The following SLC24A3 variants were observed in gnomAD, a reference collection of about 807,000 sequenced individuals.
SLC24A3 encodes the protein sodium/potassium/calcium exchanger 3.
Under a neutral mutation model 75.8 loss-of-function variants are expected in SLC24A3, and 28 were observed. That is an observed-to-expected ratio of 0.37 (90% confidence interval 0.27 to 0.51). The LOEUF is 0.51. Ranked by LOEUF, SLC24A3 falls within the 20% of genes least tolerant of loss-of-function variation. SLC24A3 has a pLI of 0.94. For missense variants in SLC24A3, 663 were observed against 847.8 expected, an observed-to-expected ratio of 0.78 and a Z score of 2.71; for synonymous variants, 372 against 334.1, an observed-to-expected ratio of 1.11 and a Z score of -1.24.
intron 7 of SLC24A3, among the ~76,000 whole-genome samples, chr20:19,662,594 T>G (rs1169826741): frequency 6.6e-6 from 1 of 152,250 alleles, no homozygotes; most frequent in Non-Finnish European, 1.5e-5. Context: ...TAGTGGTCAT[T>G]TGCAGGAACT....
intron 1 of SLC24A3, among the ~76,000 whole-genome samples, chr20:19,278,606 G>T (rs1665530071): frequency 6.6e-6 from 1 of 152,138 alleles, no homozygotes; most frequent in South Asian, 2.1e-4. Flanking sequence ...CACCATTCAG[G>T]TTATCCAAAC....
chr20:19,238,458 T>G (rs1319909128), intron 1 of SLC24A3, among the ~76,000 whole-genome samples: 1 of 152,234 alleles, frequency 6.6e-6, no homozygotes, highest in African/African-American at 2.4e-5. Flanking sequence ...TTGCATGTAT[T>G]TTGATCTGGT....
intron 3 of SLC24A3, among the ~76,000 whole-genome samples, chr20:19,521,532 CT>C (rs2030098938): frequency 1.3e-5 from 2 of 152,058 alleles, no homozygotes; most frequent in South Asian, 4.1e-4. Flanking sequence ...GCTGGGACAC[CT>C]CCTGGGAGAG....
At chr20:19,434,541 A>AT (rs112679398) in intron 2 of SLC24A3, among the ~76,000 whole-genome samples, 4,178 of 151,894 alleles carry the variant, frequency 0.028, 165 homozygotes, top group East Asian at 0.1. Flanking sequence ...GTGACAAATG[A>AT]TTTTTTTTTC....
At chr20:19,720,885 G>C (rs1481719024) in intron 16 of SLC24A3, 106 bp from the exon 17 acceptor site, 1 of 1,307,102 alleles carries the variant, frequency 7.7e-7, no homozygotes, top group Non-Finnish European at 1.1e-6. Flanking sequence ...CCTGCCCGAG[G>C]CCCATAGTCA....
chr20:19,542,282 A>T lies in SLC24A3; in HGVS notation c.348+26718A>T, dbSNP rs146426662. On this transcript the variant is annotated intron_variant, in intron 3 of 16. Coordinates refer to ENST00000328041, the MANE Select transcript of SLC24A3 (RefSeq NM_020689.4). ...TTTACTAGGTATTGAAATTGTATAG[A>T]TGAGTAATTAATGTGTTTGAGATTG... Among the ~76,000 whole-genome samples the T allele has an allele frequency of 5.9e-3, 893 of 152,312 alleles. 6 individuals are homozygous for T. Among genetic ancestry groups the T allele is most frequent in the Middle Eastern group, 0.027 (8 of 294 alleles).
At chr20:19,692,595 T>A (rs1600343601) in intron 12 of SLC24A3, among the ~76,000 whole-genome samples, 1 of 152,322 alleles carries the variant, frequency 6.6e-6, no homozygotes, top group African/African-American at 2.4e-5. Context: ...AGGGTTTGAC[T>A]AGAAAGAGGC....
intron 2 of SLC24A3, among the ~76,000 whole-genome samples, chr20:19,489,927 C>T (rs1425418935): frequency 6.6e-6 from 1 of 152,104 alleles, no homozygotes; most frequent in African/African-American, 2.4e-5. Context: ...CTTTCTGAAT[C>T]CAGCACTAGA....
chr20:19,590,333 C>G (rs978599994), intron 6 of SLC24A3, among the ~76,000 whole-genome samples: 8 of 152,002 alleles, frequency 5.3e-5, no homozygotes, highest in African/African-American at 1.9e-4. Context: ...CCAGCTTACC[C>G]CGTACACCTT....
chr20:19,487,736 G>A (rs185758636), intron 2 of SLC24A3, among the ~76,000 whole-genome samples: 29 of 152,232 alleles, frequency 1.9e-4, no homozygotes, highest in Admixed American at 3.9e-4. Context: ...TGTATGCCAC[G>A]CTAATATCCC....
intron 1 of SLC24A3, among the ~76,000 whole-genome samples, chr20:19,250,336 G>A (rs775446324): frequency 1.3e-5 from 2 of 152,192 alleles, no homozygotes; most frequent in Non-Finnish European, 2.9e-5. Flanking sequence ...AGGTTCCTCC[G>A]GTTGGGATAC....
At chr20:19,404,664 G>T (rs1986610675) in intron 2 of SLC24A3, among the ~76,000 whole-genome samples, 1 of 152,162 alleles carries the variant, frequency 6.6e-6, no homozygotes, top group Non-Finnish European at 1.5e-5. Flanking sequence ...TGCTGATGGG[G>T]CCCAGAGGTC....
chr20:19,532,656 C>T lies in SLC24A3; in HGVS notation c.348+17092C>T, dbSNP rs914282970. ...ATGGGGAGCTCAGTGGTAGGTGACACGTTCAGAGCTGAAAGACTCTGCCCA... is the reference window on the plus strand; with the variant it reads ...ATGGGGAGCTCAGTGGTAGGTGACATGTTCAGAGCTGAAAGACTCTGCCCA... On this transcript the variant is annotated intron_variant, in intron 3 of 16. Transcript: ENST00000328041. Among the ~76,000 whole-genome samples, 7 of 152,186 alleles carry T rather than the reference C, an allele frequency of 4.6e-5. 1 individual carries two copies. Among genetic ancestry groups the T allele is most frequent in the Non-Finnish European group, 7.3e-5 (5 of 68,036 alleles).
intron 2 of SLC24A3, among the ~76,000 whole-genome samples, chr20:19,288,643 G>A (rs769840271): frequency 6.6e-6 from 1 of 152,204 alleles, no homozygotes; most frequent in Non-Finnish European, 1.5e-5. Context: ...AAAACGGTAT[G>A]ATGATGCCCA....
At chr20:19,711,322 CACAT>C (rs2032988891) in intron 15 of SLC24A3, among the ~76,000 whole-genome samples, 1 of 151,632 alleles carries the variant, frequency 6.6e-6, no homozygotes, top group African/African-American at 2.4e-5. Flanking sequence ...CAAACGCACA[CACAT>C]GCATGCACAC....
rs563472825 is a variant in SLC24A3 at position 19,527,157 on chromosome 20, C to G, written c.348+11593C>G. Reference sequence around the variant, plus strand: ...CCTCCTGGAAGCTTTCTTTGACTTCCTATAAGGAAGAGTGGGACTTTACAC... The same window carrying G: ...CCTCCTGGAAGCTTTCTTTGACTTCGTATAAGGAAGAGTGGGACTTTACAC... On this transcript the variant is annotated intron_variant, in intron 3 of 16. Transcript: ENST00000328041. Among the ~76,000 whole-genome samples the G allele has an allele frequency of 1.2e-4, 18 of 152,232 alleles. No individual in the cohort carries two copies. In the East Asian group the frequency reaches 3.1e-3, roughly 26 times the overall value.
Position 19,721,264 on chromosome 20 carries a change from T to A in SLC24A3, c.*124T>A. 7.9e-7 allele frequency: 1 copy of A among 1,269,532 alleles called. No homozygotes were observed. The highest frequency in any genetic ancestry group is 1.1e-6 in the Non-Finnish European group (1 of 923,078). The allele number at this position is 1,269,532 out of a possible 1,614,324, so 78.6% of individuals were successfully genotyped here. On this transcript the variant is annotated 3_prime_UTR_variant, in exon 17 of 17. Transcript: ENST00000328041. ...GTCTCTCCTGTGCTGTCCTCAGGCC[T>A]CCGCTCCTGTTTTGGTGGCCCAGGC...
chr20:19,400,016 T>C (rs1203057856), intron 2 of SLC24A3, among the ~76,000 whole-genome samples: 1 of 152,232 alleles, frequency 6.6e-6, no homozygotes, highest in Non-Finnish European at 1.5e-5. Flanking sequence ...TTTTTTTATA[T>C]CTTCCATGTC....
At chr20:19,323,528 G>A (rs1394500528) in intron 2 of SLC24A3, among the ~76,000 whole-genome samples, 1 of 152,172 alleles carries the variant, frequency 6.6e-6, no homozygotes, top group Admixed American at 6.5e-5. Flanking sequence ...AAGGCCTTGT[G>A]GAGCAAACAG....
Sources: gnomAD v4.1 joint callset for allele counts (sites outside exome capture counted in the v4.1 genomes callset) on GRCh38, gnomAD v4.1.1 for gene constraint, MANE v1.5 for transcripts, NCBI Gene and HGNC (gene_info 2026-07-23, HGNC 2026-07-21) for gene names.